Variants in SLC41A2 observed in about 807,000 individuals in gnomAD.
SLC41A2 encodes the protein SLC41A1-like 1.
Under a neutral mutation model 58.3 loss-of-function variants are expected in SLC41A2, and 32 were observed. The observed-to-expected ratio is 0.55, with a 90% CI of 0.41 to 0.74. The LOEUF is 0.74. Ranked by LOEUF, SLC41A2 falls within the 30% of genes least tolerant of loss-of-function variation. The pLI, the probability that SLC41A2 is intolerant of heterozygous loss-of-function variation, is 0.00. For missense variants in SLC41A2, 514 were observed against 680.6 expected (o/e 0.76, Z 2.72); for synonymous variants, 190 against 235.0 (o/e 0.81, Z 1.75).
chr12:104,861,375 A>G lies in SLC41A2; in HGVS notation c.1176-5T>C. ...TCCAGAATAAGGCCCCCAATGCTGA[A>G]AGAGATAAAATTATATAATTTAGAG... On this transcript the variant is annotated splice_polypyrimidine_tract_variant and splice_region_variant and intron_variant, in intron 7 of 10. Transcript: ENST00000258538. The G allele has an allele frequency of 6.2e-7, 1 of 1,606,202 alleles. No homozygotes were observed. The highest frequency in any genetic ancestry group is 8.5e-7 in the Non-Finnish European group (1 of 1,173,578).
chr12:104,934,189 A>C (rs1231513629), intron 1 of SLC41A2, among the ~76,000 whole-genome samples: 1 of 149,556 alleles, frequency 6.7e-6, no homozygotes, highest in African/African-American at 2.5e-5. Flanking sequence ...ATGGAAAAAA[A>C]AGTAAATTAA....
At chr12:104,930,068 C>T (rs1168606549) in intron 1 of SLC41A2, among the ~76,000 whole-genome samples, 1 of 152,172 alleles carries the variant, frequency 6.6e-6, no homozygotes, top group Non-Finnish European at 1.5e-5. Flanking sequence ...GGAATTCCTT[C>T]TGAGGAACAT....
chr12:104,947,675 T>G (rs916491780), intron 1 of SLC41A2, among the ~76,000 whole-genome samples: 1 of 152,066 alleles, frequency 6.6e-6, no homozygotes, highest in African/African-American at 2.4e-5. Context: ...CACTGACCAG[T>G]ATAAATACAT....
chr12:104,912,728 G>A (rs1251154827), intron 2 of SLC41A2, among the ~76,000 whole-genome samples: 1 of 152,200 alleles, frequency 6.6e-6, no homozygotes, highest in African/African-American at 2.4e-5. Flanking sequence ...AAAGCCAGTT[G>A]GTCAGAAATT....
intron 3 of SLC41A2, among the ~76,000 whole-genome samples, chr12:104,895,548 A>AT (rs1332989443): frequency 1.3e-5 from 2 of 151,992 alleles, no homozygotes; most frequent in Non-Finnish European, 1.5e-5. Flanking sequence ...GAGAAAAAAA[A>AT]TTTTTTTTAC....
At chr12:104,937,588 A>C (rs1263340415) in intron 1 of SLC41A2, among the ~76,000 whole-genome samples, 1 of 152,200 alleles carries the variant, frequency 6.6e-6, no homozygotes, top group Non-Finnish European at 1.5e-5. Context: ...CAATGATGAA[A>C]TGCATCTAAC....
intron 1 of SLC41A2, among the ~76,000 whole-genome samples, chr12:104,930,954 C>A (rs1468395227): frequency 3.3e-5 from 5 of 152,172 alleles, no homozygotes; most frequent in Admixed American, 3.3e-4. Flanking sequence ...ATTCTTACTT[C>A]GGTATAAGCT....
chr12:104,928,776 G>T (rs1041518337), intron 1 of SLC41A2, 82 bp from the exon 2 acceptor site: 5 of 312,966 alleles, frequency 1.6e-5, no homozygotes, highest in African/African-American at 1.1e-4. Context: ...TCTTATAAAG[G>T]TATTAAAAAC....
intron 2 of SLC41A2, among the ~76,000 whole-genome samples, chr12:104,913,926 G>A (rs369845579): frequency 2.0e-5 from 3 of 152,200 alleles, no homozygotes; most frequent in East Asian, 1.9e-4. Flanking sequence ...AGCTGGCATA[G>A]TGGCAAGTGC....
intron 10 of SLC41A2, among the ~76,000 whole-genome samples, chr12:104,822,322 T>C (rs2041669008): frequency 6.6e-6 from 1 of 152,202 alleles, no homozygotes; most frequent in Admixed American, 6.5e-5. Context: ...ATAGCCAAAA[T>C]GGTCCTGAGT....
chr12:104,939,354 C>T (rs779557200), intron 1 of SLC41A2, among the ~76,000 whole-genome samples: 8 of 152,256 alleles, frequency 5.3e-5, no homozygotes, highest in South Asian at 2.1e-4. Flanking sequence ...CAGGACACCA[C>T]ACCCAGCTAA....
chr12:104,853,915 T>TATTATTATTATTA (rs1565842625), intron 8 of SLC41A2, among the ~76,000 whole-genome samples: 13 of 125,044 alleles, frequency 1.0e-4, no homozygotes, highest in African/African-American at 1.6e-4. Flanking sequence ...TGGCTGATTT[T>TATTATTATTATTA]TTTTTTTTTT....
chr12:104,927,898 A>G (rs2046906723), intron 2 of SLC41A2, 75 bp downstream of exon 2: 1 of 1,326,770 alleles, frequency 7.5e-7, no homozygotes. Context: ...GAGAGTAGTA[A>G]CCTACATAAA....
intron 10 of SLC41A2, among the ~76,000 whole-genome samples, chr12:104,828,657 G>A (rs969659538): frequency 6.6e-6 from 1 of 152,054 alleles, no homozygotes; most frequent in African/African-American, 2.4e-5. Flanking sequence ...TGCCCTGTGA[G>A]GGGGACAAGG....
chr12:104,847,860 G>T (rs922914741), intron 8 of SLC41A2, among the ~76,000 whole-genome samples: 1 of 152,084 alleles, frequency 6.6e-6, no homozygotes, highest in Non-Finnish European at 1.5e-5. Context: ...TGAGAAAAAA[G>T]TTGGTTTTGT....
chr12:104,921,316 A>G (rs994360460), intron 2 of SLC41A2, among the ~76,000 whole-genome samples: 6 of 152,010 alleles, frequency 3.9e-5, no homozygotes, highest in African/African-American at 1.4e-4. Flanking sequence ...AAATAAGACT[A>G]CCCCAAGGCA....
chr12:104,901,572 G>A (rs564859942), intron 3 of SLC41A2, among the ~76,000 whole-genome samples: 1 of 151,804 alleles, frequency 6.6e-6, no homozygotes, highest in South Asian at 2.1e-4. Context: ...TAAAGACAGG[G>A]TCAGTCTCAC....
At chr12:104,812,888 A>T (rs1566094855) in intron 10 of SLC41A2, among the ~76,000 whole-genome samples, 1 of 152,108 alleles carries the variant, frequency 6.6e-6, no homozygotes, top group African/African-American at 2.4e-5. Flanking sequence ...TAAGAAATTT[A>T]AAAATTCAGG....
intron 2 of SLC41A2, among the ~76,000 whole-genome samples, chr12:104,918,642 A>C (rs1452920556): frequency 6.6e-6 from 1 of 151,346 alleles, no homozygotes; most frequent in Non-Finnish European, 1.5e-5. Context: ...AAAAAAAAAA[A>C]AAAAACTAAA....
Sources: gnomAD v4.1 joint callset for allele counts (sites outside exome capture counted in the v4.1 genomes callset) on GRCh38, gnomAD v4.1.1 for gene constraint, MANE v1.5 for transcripts, NCBI Gene and HGNC (gene_info 2026-07-23, HGNC 2026-07-21) for gene names.